Variants in GRM8 observed in about 807,000 individuals in gnomAD.
The protein encoded by GRM8 is glutamate metabotropic receptor 8, also known as metabotropic glutamate receptor 8.
Under a neutral mutation model 87.2 loss-of-function variants are expected in GRM8, and 47 were observed. That is an observed-to-expected ratio of 0.54 (90% confidence interval 0.43 to 0.69). GRM8 has a LOEUF of 0.69. GRM8 is among the 30% of genes least tolerant of loss of function. The probability of loss-of-function intolerance (pLI) is 0.00; values close to 1 mark genes in which losing one functional copy is unlikely to be tolerated. For synonymous variants in GRM8, 396 were observed against 404.5 expected (o/e 0.98, Z 0.25); for missense variants, 1,019 against 1,139.2 (o/e 0.89, Z 1.52).
At chr7:127,061,328 A>G (rs1290979236) in intron 3 of GRM8, among the ~76,000 whole-genome samples, 1 of 152,142 alleles carries the variant, frequency 6.6e-6, no homozygotes, top group Non-Finnish European at 1.5e-5. Flanking sequence ...TACTTATTTA[A>G]TGATCTTGAA....
intron 3 of GRM8, among the ~76,000 whole-genome samples, chr7:126,914,646 T>A (rs2131316193): frequency 6.6e-6 from 1 of 152,296 alleles, no homozygotes; most frequent in South Asian, 2.1e-4. Flanking sequence ...GAGGCCATAA[T>A]CCTAAGCAAA....
intron 7 of GRM8, among the ~76,000 whole-genome samples, chr7:126,656,458 C>G (rs1400385527): frequency 2.6e-5 from 4 of 152,196 alleles, no homozygotes; most frequent in Non-Finnish European, 5.9e-5. Context: ...GCGGGCGGAT[C>G]GCAAGGTCAG....
At chr7:126,517,882 A>G (rs10268732) in intron 9 of GRM8, among the ~76,000 whole-genome samples, 7,929 of 152,160 alleles carry the variant, frequency 0.052, 693 homozygotes, top group African/African-American at 0.18. Flanking sequence ...TATGGTTTCC[A>G]TATTTGAATT....
chr7:126,445,111 G>C (rs893034560), intron 10 of GRM8: 2 of 152,446 alleles, frequency 1.3e-5, no homozygotes, highest in East Asian at 3.9e-4. Context: ...GCTGCAGTGA[G>C]CCTAGATCAT....
chr7:126,970,060 TAA>T (rs1180253942), intron 3 of GRM8, among the ~76,000 whole-genome samples: 2 of 152,164 alleles, frequency 1.3e-5, no homozygotes, highest in African/African-American at 4.8e-5. Flanking sequence ...AACCATGCTA[TAA>T]AGACATGTAC....
intron 3 of GRM8, among the ~76,000 whole-genome samples, chr7:126,975,633 G>A (rs1342602960): frequency 6.6e-6 from 1 of 152,136 alleles, no homozygotes; most frequent in Non-Finnish European, 1.5e-5. Context: ...CTGCCCATAG[G>A]AAATGCATTA....
At chr7:127,024,124 T>C (rs1816544472) in intron 3 of GRM8, among the ~76,000 whole-genome samples, 1 of 152,138 alleles carries the variant, frequency 6.6e-6, no homozygotes, top group African/African-American at 2.4e-5. Context: ...GCACTGCTAC[T>C]CATTTGCTTG....
At chr7:126,487,447 AC>A (rs1414114284) in intron 9 of GRM8, among the ~76,000 whole-genome samples, 2 of 151,938 alleles carry the variant, frequency 1.3e-5, no homozygotes, top group Admixed American at 6.6e-5. Flanking sequence ...TATTTTAATA[AC>A]TTTTTCTGAT....
chr7:126,501,946 A>G (rs1054231364), intron 9 of GRM8, among the ~76,000 whole-genome samples: 2 of 152,016 alleles, frequency 1.3e-5, no homozygotes, highest in Non-Finnish European at 2.9e-5. Flanking sequence ...ACAGGTGCTC[A>G]TAGAATGTTT....
At chr7:126,547,897 GA>G (rs528264229) in intron 8 of GRM8, among the ~76,000 whole-genome samples, 16 of 126,044 alleles carry the variant, frequency 1.3e-4, no homozygotes, top group East Asian at 2.5e-4. Flanking sequence ...GAAACAAAAT[GA>G]AAAAAAAAAC....
At chr7:126,520,055 G>A (rs942050590) in intron 9 of GRM8, among the ~76,000 whole-genome samples, 3 of 150,682 alleles carry the variant, frequency 2.0e-5, no homozygotes, top group African/African-American at 4.9e-5. Flanking sequence ...GAAACATAAG[G>A]TAGGTTTTAA....
At chr7:126,737,848 G>A (rs1036189064) in intron 7 of GRM8, among the ~76,000 whole-genome samples, 1 of 152,080 alleles carries the variant, frequency 6.6e-6, no homozygotes, top group African/African-American at 2.4e-5. Flanking sequence ...CAATTCAATT[G>A]CAGTATGGTA....
rs140046220 is a variant in GRM8 at position 126,727,912 on chromosome 7, T to A, written c.1357+41953A>T. Among the ~76,000 whole-genome samples, 424 of 152,306 alleles carry A rather than the reference T, an allele frequency of 2.8e-3. 6 individuals are homozygous for A. Among genetic ancestry groups the A allele is most frequent in the African/African-American group, 9.7e-3 (403 of 41,574 alleles). On this transcript the variant is annotated intron_variant, in intron 7 of 10. Coordinates refer to ENST00000339582, the MANE Select transcript of GRM8 (RefSeq NM_000845.3). ...AGCAAGTAGTTTTTTACTAGTATTA[T>A]TGTATGTACACATGAGCACAATTAA... is the stretch of plus-strand genomic sequence containing the variant.
Position 126,961,361 on chromosome 7 carries a change from C to A in GRM8, c.728-56678G>T, listed in dbSNP as rs1031548353. 4.6e-5 allele frequency among the ~76,000 whole-genome samples: 7 copies of A among 152,128 alleles called. No individual in the cohort carries two copies. In the East Asian group the frequency reaches 1.3e-3, roughly 29 times the overall value. ...AGGGCTTGTCTTTTGGAAGTTAATACCCTTTGCTTAATTTATCATTGATTT... is the reference window on the plus strand; with the variant it reads ...AGGGCTTGTCTTTTGGAAGTTAATAACCTTTGCTTAATTTATCATTGATTT... On this transcript the variant is annotated intron_variant, in intron 3 of 10. Transcript: ENST00000339582.
intron 6 of GRM8, among the ~76,000 whole-genome samples, chr7:126,770,764 G>C (rs958414181): frequency 6.6e-6 from 1 of 151,982 alleles, no homozygotes; most frequent in African/African-American, 2.4e-5. Context: ...ATATGGAAAA[G>C]AAATATATTT....
At chr7:126,706,278 C>T (rs950544174) in intron 7 of GRM8, among the ~76,000 whole-genome samples, 7 of 152,088 alleles carry the variant, frequency 4.6e-5, no homozygotes, top group African/African-American at 1.7e-4. Flanking sequence ...AAGAATGGCT[C>T]ACATTATTAT....
intron 7 of GRM8, among the ~76,000 whole-genome samples, chr7:126,729,001 A>G (rs1813305822): frequency 6.6e-6 from 1 of 150,636 alleles, no homozygotes; most frequent in Non-Finnish European, 1.5e-5. Context: ...CTCTGACCAC[A>G]CTGCTTAAGT....
chr7:126,593,637 T>C (rs547696595), intron 8 of GRM8, among the ~76,000 whole-genome samples: 1 of 152,090 alleles, frequency 6.6e-6, no homozygotes, highest in Admixed American at 6.6e-5. Flanking sequence ...CCCAAAACTA[T>C]GAAACTGCTA....
At chr7:127,117,526 A>G (rs1267736190) in intron 2 of GRM8, among the ~76,000 whole-genome samples, 1 of 152,234 alleles carries the variant, frequency 6.6e-6, no homozygotes, top group African/African-American at 2.4e-5. Context: ...TCTTCAAAAG[A>G]AAAATTAGGG....
Sources: allele counts gnomAD v4.1 joint callset (sites outside exome capture counted in the v4.1 genomes callset), GRCh38; gene constraint gnomAD v4.1.1; transcripts MANE v1.5; gene names NCBI Gene and HGNC (gene_info 2026-07-23, HGNC 2026-07-21).